CAMKMT: variants seen among roughly 807,000 people sequenced by gnomAD.
CAMKMT encodes the protein CaM KMT.
In CAMKMT, 53 loss-of-function variants were observed where a neutral mutation model predicts 48.0. The ratio of observed to expected loss-of-function variants is 1.10; its 90% confidence interval spans 0.89 to 1.39. The LOEUF (loss-of-function observed/expected upper bound fraction) is 1.39, where lower values mean the gene tolerates loss of function less well. Ranked by LOEUF, CAMKMT falls within the 40% of genes most tolerant of loss-of-function variation. The probability of loss-of-function intolerance (pLI) is 0.00; values close to 1 mark genes in which losing one functional copy is unlikely to be tolerated. For synonymous variants in CAMKMT, 165 were observed against 152.3 expected, an observed-to-expected ratio of 1.08 and a Z score of -0.61; for missense variants, 428 against 402.7, an observed-to-expected ratio of 1.06 and a Z score of -0.54.
chr2:44,456,605 G>T (rs763072598), intron 3 of CAMKMT: 8 of 1,549,202 alleles, frequency 5.2e-6, no homozygotes, highest in Admixed American at 2.0e-5. Flanking sequence ...ATCACCATCA[G>T]TAGTAACTCT....
chr2:44,515,063 C>T (rs986372534), intron 3 of CAMKMT, among the ~76,000 whole-genome samples: 34 of 152,312 alleles, frequency 2.2e-4, no homozygotes, highest in African/African-American at 7.9e-4. Flanking sequence ...ACTTTTGTGT[C>T]TTAATCTCTA....
At chr2:44,457,280 CTT>C (rs913514288) in intron 3 of CAMKMT, 4 of 152,016 alleles carry the variant, frequency 2.6e-5, no homozygotes, top group African/African-American at 4.8e-5. Flanking sequence ...GGAGATGACT[CTT>C]TTGTTTTTTG....
At chr2:44,392,262 CTGAG>C (rs1681416940) in intron 3 of CAMKMT, among the ~76,000 whole-genome samples, 1 of 151,980 alleles carries the variant, frequency 6.6e-6, no homozygotes, top group Non-Finnish European at 1.5e-5. Context: ...GGATATATTG[CTGAG>C]TGATAGAAGT....
chr2:44,366,362 A>C (rs1196676546), intron 1 of CAMKMT, among the ~76,000 whole-genome samples: 1 of 152,216 alleles, frequency 6.6e-6, no homozygotes, highest in Admixed American at 6.5e-5. Context: ...GATGCTCTTC[A>C]CTGATCTATA....
intron 3 of CAMKMT, among the ~76,000 whole-genome samples, chr2:44,575,807 T>C (rs1383271688): frequency 1.3e-5 from 2 of 150,186 alleles, no homozygotes; most frequent in African/African-American, 2.5e-5. Flanking sequence ...CAGTCAGCCA[T>C]GTAACTGCAC....
At chr2:44,492,688 A>T (rs17615001) in intron 3 of CAMKMT, among the ~76,000 whole-genome samples, 1 of 152,100 alleles carries the variant, frequency 6.6e-6, no homozygotes, top group Middle Eastern at 3.4e-3. Context: ...GGTGTCAATC[A>T]GTGGTAATGA....
rs114964544 is a variant in CAMKMT at position 44,493,760 on chromosome 2, T to G, written c.376+103455T>G. On this transcript the variant is annotated intron_variant, in intron 3 of 10. Transcript: ENST00000378494. ...TTAAGGGGTAACAAAATTTCTTTGTTGTTTGTTTTTTGGAATTGTGTTAAA... is the reference window on the plus strand; with the variant it reads ...TTAAGGGGTAACAAAATTTCTTTGTGGTTTGTTTTTTGGAATTGTGTTAAA... 3.7e-3 allele frequency among the ~76,000 whole-genome samples: 564 copies of G among 152,342 alleles called. 3 individuals carry two copies. Among genetic ancestry groups the G allele is most frequent in the Non-Finnish European group, 5.9e-3 (398 of 68,034 alleles).
intron 3 of CAMKMT, among the ~76,000 whole-genome samples, chr2:44,585,695 C>G (rs1172681342): frequency 6.6e-6 from 1 of 152,146 alleles, no homozygotes; most frequent in Non-Finnish European, 1.5e-5. Context: ...TTATGAAGGG[C>G]TGTAAGATCA....
intron 3 of CAMKMT, among the ~76,000 whole-genome samples, chr2:44,537,933 T>C (rs1254777773): frequency 6.6e-6 from 1 of 152,100 alleles, no homozygotes; most frequent in African/African-American, 2.4e-5. Context: ...TACCATTCAA[T>C]CCAGCAGTCC....
chr2:44,455,034 A>G (rs1423997409), intron 3 of CAMKMT, among the ~76,000 whole-genome samples: 1 of 152,140 alleles, frequency 6.6e-6, no homozygotes, highest in African/African-American at 2.4e-5. Flanking sequence ...GCATCATCAC[A>G]TTAGCCCTGC....
At chr2:44,765,777 A>G (rs530572434) in intron 9 of CAMKMT, among the ~76,000 whole-genome samples, 1 of 152,332 alleles carries the variant, frequency 6.6e-6, no homozygotes, top group Admixed American at 6.5e-5. Flanking sequence ...TTGAAAAGCA[A>G]TCATGTGAAT....
At chr2:44,741,463 T>G (rs1341922873) in intron 7 of CAMKMT, among the ~76,000 whole-genome samples, 1 of 152,244 alleles carries the variant, frequency 6.6e-6, no homozygotes, top group Non-Finnish European at 1.5e-5. Flanking sequence ...TTCAAGGAGA[T>G]AGCTAGTGTT....
chr2:44,577,643 C>T (rs1036114242), intron 3 of CAMKMT, among the ~76,000 whole-genome samples: 4 of 139,800 alleles, frequency 2.9e-5, no homozygotes, highest in Admixed American at 7.4e-5. Context: ...AAAGAAAGGA[C>T]GGGGAGGGGG....
At chr2:44,553,781 A>G (rs751551994) in intron 3 of CAMKMT, among the ~76,000 whole-genome samples, 3 of 152,202 alleles carry the variant, frequency 2.0e-5, no homozygotes, top group Non-Finnish European at 2.9e-5. Flanking sequence ...AATTATTGTC[A>G]TGGCTCTGGT....
intron 2 of CAMKMT, among the ~76,000 whole-genome samples, chr2:44,386,969 G>A (rs568436238): frequency 6.6e-6 from 1 of 152,066 alleles, no homozygotes; most frequent in Non-Finnish European, 1.5e-5. Context: ...TCCATGTGCT[G>A]TTGAATAAAA....
intron 3 of CAMKMT, among the ~76,000 whole-genome samples, chr2:44,500,191 T>A (rs1669940174): frequency 2.0e-5 from 3 of 152,164 alleles, no homozygotes; most frequent in Admixed American, 6.5e-5. Flanking sequence ...ATTAATCTAG[T>A]TCTCACTAGG....
chr2:44,448,329 A>G (rs1275302798), intron 3 of CAMKMT, among the ~76,000 whole-genome samples: 1 of 152,168 alleles, frequency 6.6e-6, no homozygotes. Flanking sequence ...GTGTTGTTCA[A>G]GGGTCAGCTA....
intron 3 of CAMKMT, among the ~76,000 whole-genome samples, chr2:44,558,660 C>G (rs1668153862): frequency 6.6e-6 from 1 of 152,084 alleles, no homozygotes; most frequent in Admixed American, 6.6e-5. Flanking sequence ...AGGCCATTAT[C>G]CTAAGCAAAT....
intron 3 of CAMKMT, among the ~76,000 whole-genome samples, chr2:44,573,414 C>T (rs930379018): frequency 6.6e-6 from 1 of 151,536 alleles, no homozygotes; most frequent in Non-Finnish European, 1.5e-5. Flanking sequence ...TGTATATTAT[C>T]TTTTATTTAC....
Sources: gnomAD v4.1 joint callset for allele counts (sites outside exome capture counted in the v4.1 genomes callset) on GRCh38, gnomAD v4.1.1 for gene constraint, MANE v1.5 for transcripts, NCBI Gene and HGNC (gene_info 2026-07-23, HGNC 2026-07-21) for gene names.